The following IKZF4 variants were observed in gnomAD, a reference collection of about 807,000 sequenced individuals.
IKZF4 encodes IKAROS family zinc finger 4, also known as zinc finger protein Eos.
A neutral mutation model predicts 47.7 loss-of-function variants in IKZF4; 11 were observed. The observed-to-expected ratio is 0.23, with a 90% confidence interval of 0.15 to 0.38. The LOEUF (loss-of-function observed/expected upper bound fraction) is 0.38. Among genes scored for constraint, IKZF4 ranks in the 10% least tolerant of loss-of-function variants. IKZF4 has a pLI of 1.00. For missense variants in IKZF4, 557 were observed against 784.9 expected (o/e 0.71, Z 3.47); for synonymous variants, 298 against 299.4 (o/e 1.00, Z 0.05).
Position 56,034,776 on chromosome 12 carries a change from T to C in IKZF4, c.1203T>C (p.Ser401=), listed in dbSNP as rs1895464313. Residue 401 remains serine (S), a synonymous_variant, in exon 8 of 8, where the codon TCT becomes TCC. Transcript: ENST00000547167. ...CISELTPVIS[S]VYTQMQPLPG... The stretch of plus-strand genomic sequence containing the variant: ...CAGAACTCACGCCTGTCATCAGCTC[T>C]GTCTACACCCAGATGCAGCCCCTCC... 6.2e-7 allele frequency: 1 copy of C among 1,613,938 alleles called. No homozygotes were observed. The highest frequency in any genetic ancestry group is 1.3e-5 in the African/African-American group (1 of 74,946).
chr12:56,026,059 C>T (rs902029832), intron 3 of IKZF4, among the ~76,000 whole-genome samples: 1 of 152,138 alleles, frequency 6.6e-6, no homozygotes, highest in African/African-American at 2.4e-5. Context: ...CCTCAGCCTC[C>T]GAAGTAGCTG....
At chr12:56,007,661 T>C (rs1475635945) in exon 1 of IKZF4, 1 of 151,866 alleles carries the variant, frequency 6.6e-6, no homozygotes, top group African/African-American at 2.4e-5. Flanking sequence ...CCCCGCCCCC[T>C]CGCCTCCCTC....
rs780045929 is a variant in IKZF4 at position 56,021,413 on chromosome 12, G to A, written c.-81G>A. 30 of 1,550,074 alleles carry A rather than the reference G, an allele frequency of 1.9e-5. No individual in the cohort carries two copies. Among genetic ancestry groups the A allele is most frequent in the Middle Eastern group, 1.7e-4 (1 of 5,958 alleles). ...CTGCTGCTGCCTGCGAAATGACGGC[G>A]GTTCCCCTCACTTCCAGGAATCCAC... On this transcript the variant is annotated 5_prime_UTR_variant, in exon 1 of 8. Coordinates refer to ENST00000547167, the MANE Select transcript of IKZF4 (RefSeq NM_022465.4).
intron 5 of IKZF4, 53 bp downstream of exon 5, chr12:56,028,000 G>C (rs1488120288): frequency 2.0e-6 from 3 of 1,480,832 alleles, no homozygotes; most frequent in East Asian, 4.8e-5. Flanking sequence ...CACCCAGTAT[G>C]TAGAGCTCAG....
intron 2 of IKZF4, 141 bp downstream of exon 2, chr12:56,023,905 T>A (rs1893511335): frequency 1.4e-5 from 20 of 1,480,998 alleles, no homozygotes; most frequent in Non-Finnish European, 1.8e-5. Flanking sequence ...TGTGCACACA[T>A]CCATGCATGT....
At chr12:56,023,861 T>C in intron 2 of IKZF4, 97 bp downstream of exon 2, 1 of 1,526,454 alleles carries the variant, frequency 6.6e-7, no homozygotes, top group Middle Eastern at 1.9e-4. Flanking sequence ...CACTCTCCCT[T>C]GCTTTCTCTT....
intron 2 of IKZF4, among the ~76,000 whole-genome samples, chr12:56,015,491 G>A (rs906710098): frequency 2.0e-5 from 3 of 151,662 alleles, no homozygotes; most frequent in Admixed American, 6.6e-5. Flanking sequence ...ACACCTCCCC[G>A]GTTCAAGCAA....
rs1892852481 is a variant in IKZF4, at chr12:56,021,196, C to G, written c.-298C>G. On this transcript the variant is annotated 5_prime_UTR_variant, in exon 1 of 8. Transcript: ENST00000547167. ...AGGGATGCTGTAGCCTAGCATCTCC[C>G]CCACTATATACACATATACATTCTC... 5.7e-6 allele frequency: 8 copies of G among 1,408,822 alleles called. No individual in the cohort carries two copies. In the South Asian group the frequency reaches 6.2e-5, roughly 11 times the overall value. 87.3% of individuals were successfully genotyped at this position (1,408,822 alleles called of 1,614,324 possible).
At chr12:56,014,265 G>A (rs866911213) in intron 2 of IKZF4, among the ~76,000 whole-genome samples, 1 of 152,174 alleles carries the variant, frequency 6.6e-6, no homozygotes, top group Admixed American at 6.5e-5. Flanking sequence ...CACAGAGCAC[G>A]TTAAGAGCAA....
At chr12:56,022,293 CTCCT>C (rs1893150937) in intron 1 of IKZF4, among the ~76,000 whole-genome samples, 1 of 152,182 alleles carries the variant, frequency 6.6e-6, no homozygotes, top group Admixed American at 6.5e-5. Flanking sequence ...CTTTCTCTCC[CTCCT>C]GCTTTTCAGC....
At chr12:56,011,823 C>T (rs1233411695) in intron 2 of IKZF4, 1 of 152,102 alleles carries the variant, frequency 6.6e-6, no homozygotes, top group African/African-American at 2.4e-5. Context: ...GGTCTTTTTC[C>T]TGGAAAGGGG....
chr12:56,023,632 C>T, intron 1 of IKZF4, 39 bp from the exon 2 acceptor site: 1 of 1,608,272 alleles, frequency 6.2e-7, no homozygotes, highest in Admixed American at 1.7e-5. Flanking sequence ...GAAATGGTCC[C>T]AAAGTCCTGA....
At chr12:56,030,511 C>T (rs1344899584) in intron 5 of IKZF4, among the ~76,000 whole-genome samples, 7 of 151,898 alleles carry the variant, frequency 4.6e-5, no homozygotes, top group South Asian at 2.1e-4. Flanking sequence ...GGGCAGATCA[C>T]CTGAGGTCAG....
upstream of IKZF4, among the ~76,000 whole-genome samples, chr12:56,017,809 C>T (rs1592897852): frequency 1.3e-5 from 2 of 152,206 alleles, no homozygotes; most frequent in Admixed American, 1.3e-4. Flanking sequence ...CCCACCTCAG[C>T]CTCCTGAATA....
chr12:56,031,853 CTTCT>C (rs921453887), intron 5 of IKZF4, among the ~76,000 whole-genome samples: 12 of 152,144 alleles, frequency 7.9e-5, no homozygotes, highest in African/African-American at 2.9e-4. Flanking sequence ...TTTTTTTACT[CTTCT>C]TTATTTTCTT....
Position 56,021,302 on chromosome 12 carries a change from A to ACC in IKZF4, c.-191_-190insCC. On this transcript the variant is annotated 5_prime_UTR_variant, in exon 1 of 8. Transcript: ENST00000547167. ...CTCTCTCTCTCTCTCTCTCACACAC[A>ACC]CACACACACACACACTCAACACACA... 6.6e-7 allele frequency: 1 copy of ACC among 1,505,036 alleles called. No homozygotes were observed. Among genetic ancestry groups the ACC allele is most frequent in the Non-Finnish European group, 8.9e-7 (1 of 1,129,100 alleles). 93.2% of individuals were successfully genotyped at this position (1,505,036 alleles called of 1,614,324 possible). A position where few individuals can be genotyped will look rare whatever the true frequency, so the allele number is the denominator to read the frequency against.
chr12:56,027,471 C>T (rs1894217501), intron 4 of IKZF4, among the ~76,000 whole-genome samples: 1 of 152,190 alleles, frequency 6.6e-6, no homozygotes, highest in Non-Finnish European at 1.5e-5. Context: ...TTCTCAGCTT[C>T]CTTGGGCCTT....
At position 56,026,983 on chromosome 12, in the gene IKZF4, C is replaced by T; in HGVS notation, c.489C>T (p.Val163=). 1 of 1,608,790 alleles carries T rather than the reference C, an allele frequency of 6.2e-7. No individual in the cohort carries two copies. The highest frequency in any genetic ancestry group is 8.5e-7 in the Non-Finnish European group (1 of 1,177,310). ...RLPNGKLKCD[V]CGMVCIGPNV... ...CCAATGGCAAGCTCAAGTGTGACGT[C>T]TGCGGCATGGTCTGTATTGGACCCA... is the stretch of plus-strand genomic sequence containing the variant. The change falls in exon 4 of 8, where the codon GTC becomes GTT. Residue 163 remains valine (V), a synonymous_variant. Coordinates refer to ENST00000547167, the MANE Select transcript of IKZF4 (RefSeq NM_022465.4).
At chr12:56,024,646 G>A in intron 2 of IKZF4, 1 of 1,050,222 alleles carries the variant, frequency 9.5e-7, no homozygotes, top group South Asian at 3.1e-5. Flanking sequence ...GACAATTCCA[G>A]TTACCTTTCC....
Sources: allele counts gnomAD v4.1 joint callset (sites outside exome capture counted in the v4.1 genomes callset), GRCh38; gene constraint gnomAD v4.1.1; transcripts MANE v1.5; gene names NCBI Gene and HGNC (gene_info 2026-07-23, HGNC 2026-07-21).